PCDHA7: variants seen among roughly 807,000 people sequenced by gnomAD.
PCDHA7 encodes protocadherin alpha 7.
In PCDHA7, 37 loss-of-function variants were observed where a neutral mutation model predicts 57.2. The observed-to-expected ratio is 0.65, with a 90% CI of 0.50 to 0.85. PCDHA7 has a LOEUF of 0.85. Ranked by LOEUF, PCDHA7 falls within the 40% of genes least tolerant of loss-of-function variation. The pLI is 0.00. For synonymous variants in PCDHA7, 553 were observed against 558.8 expected (o/e 0.99, Z 0.15); for missense variants, 1,188 against 1,241.8 (o/e 0.96, Z 0.65).
chr5:140,946,658 A>C (rs2094004902), intron 1 of PCDHA7, among the ~76,000 whole-genome samples: 1 of 147,652 alleles, frequency 6.8e-6, no homozygotes, highest in South Asian at 2.1e-4. Flanking sequence ...CAGCCATTAG[A>C]AAGAATGAAA....
intron 1 of PCDHA7, chr5:140,968,734 C>A: frequency 6.2e-7 from 1 of 1,614,162 alleles, no homozygotes; most frequent in Non-Finnish European, 8.5e-7. Flanking sequence ...GTAGCACTTT[C>A]AACCTGACCG....
chr5:140,899,191 C>G (rs1583332627), intron 1 of PCDHA7, among the ~76,000 whole-genome samples: 2 of 151,090 alleles, frequency 1.3e-5, no homozygotes, highest in Non-Finnish European at 3.0e-5. Flanking sequence ...TTTCCTTCTC[C>G]TGCCTAATTG....
intron 1 of PCDHA7, among the ~76,000 whole-genome samples, chr5:140,838,160 CTG>C (rs1554136900): frequency 6.7e-6 from 1 of 149,878 alleles, no homozygotes; most frequent in African/African-American, 2.5e-5. Context: ...GTCGCCCTCT[CTG>C]GAGTGCAGTG....
chr5:140,943,525 T>C (rs891940980), intron 1 of PCDHA7, among the ~76,000 whole-genome samples: 7 of 152,148 alleles, frequency 4.6e-5, no homozygotes, highest in African/African-American at 7.2e-5. Flanking sequence ...GAGTTCAGTA[T>C]GCAAAATGTC....
chr5:140,850,235 G>C (rs2041450021), intron 1 of PCDHA7: 1 of 1,593,876 alleles, frequency 6.3e-7, no homozygotes, highest in African/African-American at 1.3e-5. Flanking sequence ...TGAGCGAGAT[G>C]GTGCTGCGGT....
chr5:140,862,092 C>G (rs987479365), intron 1 of PCDHA7: 1 of 156,922 alleles, frequency 6.4e-6, no homozygotes, highest in African/African-American at 2.4e-5. Context: ...AGCCCTTTTT[C>G]GCATAGATTC....
chr5:140,891,596 A>T (rs191602934), intron 1 of PCDHA7, among the ~76,000 whole-genome samples: 2 of 152,134 alleles, frequency 1.3e-5, no homozygotes, highest in African/African-American at 4.8e-5. Flanking sequence ...ACTCTATCCC[A>T]TCTATTTCTA....
intron 1 of PCDHA7, among the ~76,000 whole-genome samples, chr5:140,944,243 A>C (rs1202248629): frequency 2.6e-5 from 4 of 152,208 alleles, no homozygotes; most frequent in Non-Finnish European, 2.9e-5. Context: ...GCTGGAGTGC[A>C]GTGATGTGAT....
At position 140,938,754 on chromosome 5, in the gene PCDHA7, A is replaced by G. The variant is rs79400957; in HGVS notation, c.2356-40195A>G. Among the ~76,000 whole-genome samples the G allele has an allele frequency of 2.9e-3, 442 of 152,274 alleles. 1 individual carries two copies. Among genetic ancestry groups the G allele is most frequent in the African/African-American group, 0.01 (423 of 41,554 alleles). The stretch of plus-strand genomic sequence containing the variant: ...AAAAAATAATTATTTTTAAAGGCAT[A>G]GTTATTGGGTACTAGACTTAGTACC... On this transcript the variant is annotated intron_variant, in intron 1 of 3. Transcript: ENST00000525929.
intron 1 of PCDHA7, chr5:140,850,217 C>T (rs2150473800): frequency 1.1e-5 from 17 of 1,593,592 alleles, no homozygotes; most frequent in Non-Finnish European, 1.5e-5. Flanking sequence ...GGGGCACTGA[C>T]GGCGCAGTGA....
intron 1 of PCDHA7, chr5:140,842,003 C>G: frequency 6.2e-7 from 1 of 1,613,776 alleles, no homozygotes; most frequent in Non-Finnish European, 8.5e-7. Flanking sequence ...CACTGTTCAG[C>G]TGCTGGTCAC....
chr5:140,870,405 G>A (rs1226660080), intron 1 of PCDHA7: 1 of 1,614,248 alleles, frequency 6.2e-7, no homozygotes, highest in Non-Finnish European at 8.5e-7. Flanking sequence ...CGCCTTCTCT[G>A]TGGGCCACGG....
At chr5:140,902,953 C>T (rs549407032) in intron 1 of PCDHA7, among the ~76,000 whole-genome samples, 24 of 152,278 alleles carry the variant, frequency 1.6e-4, no homozygotes, top group East Asian at 1.3e-3. Flanking sequence ...TCTTTATCCA[C>T]TTGTTGGCTG....
intron 1 of PCDHA7, chr5:140,877,033 C>A: frequency 6.2e-7 from 1 of 1,612,480 alleles, no homozygotes; most frequent in East Asian, 2.2e-5. Flanking sequence ...GTACGCGCTG[C>A]AGCCGCTAGA....
chr5:140,929,185 GATA>G (rs1393626283), intron 1 of PCDHA7: 12 of 1,614,168 alleles, frequency 7.4e-6, no homozygotes, highest in Non-Finnish European at 1.0e-5. Flanking sequence ...ACTTGGTTCT[GATA>G]ATAACAGTTT....
rs556197231 is a variant in PCDHA7, at chr5:140,969,709, A to C, written c.2356-9240A>C. The stretch of plus-strand genomic sequence containing the variant: ...AAATGGCCTCTGCTGTATCATCTAC[A>C]GGGAAATTTTTCTTTTGAAATCCTA... On this transcript the variant is annotated intron_variant, in intron 1 of 3. Transcript: ENST00000525929. Among the ~76,000 whole-genome samples, 11 of 152,304 alleles carry C rather than the reference A, an allele frequency of 7.2e-5. No individual in the cohort carries two copies. The East Asian group carries it at 1.5e-3, about 21-fold the overall frequency.
rs782293908 is a variant in PCDHA7, at chr5:140,870,195, C to A, written c.2355+33457C>A. 3.1e-6 allele frequency: 5 copies of A among 1,614,178 alleles called. No individual in the cohort carries two copies. In the South Asian group the frequency reaches 5.5e-5, roughly 18 times the overall value. On this transcript the variant is annotated intron_variant, in intron 1 of 3. Transcript: ENST00000525929. ...TCCCAGTACGAGAGGACGCTCAGCC[C>A]AGCACGGTCATTGCCCTGATCAGCG...
At chr5:140,847,461 C>T (rs1781028892) in intron 1 of PCDHA7, 1 of 149,664 alleles carries the variant, frequency 6.7e-6, no homozygotes, top group South Asian at 2.1e-4. Context: ...TTTAATTAAT[C>T]GACTTGGACG....
At chr5:140,850,747 C>T (rs2041801676) in intron 1 of PCDHA7, 3 of 1,597,716 alleles carry the variant, frequency 1.9e-6, no homozygotes, top group Non-Finnish European at 2.6e-6. Flanking sequence ...TGGTCGTACT[C>T]GCAGCAGAGG....
Sources: gnomAD v4.1 joint callset for allele counts (sites outside exome capture counted in the v4.1 genomes callset) on GRCh38, gnomAD v4.1.1 for gene constraint, MANE v1.5 for transcripts, NCBI Gene and HGNC (gene_info 2026-07-23, HGNC 2026-07-21) for gene names.